The following KCNH8 variants were observed in gnomAD, a reference collection of about 807,000 sequenced individuals.
KCNH8 encodes potassium voltage-gated channel subfamily H member 8, also known as voltage-gated delayed rectifier potassium channel KCNH8.
In KCNH8, 70 loss-of-function variants were observed where a neutral mutation model predicts 103.6. The observed-to-expected ratio is 0.68, with a 90% CI of 0.56 to 0.82. KCNH8 has a LOEUF of 0.82. Ranked by LOEUF, KCNH8 falls within the 40% of genes least tolerant of loss-of-function variation. The pLI, the probability that KCNH8 is intolerant of heterozygous loss-of-function variation, is 0.00. For missense variants in KCNH8, 1,217 were observed against 1,329.9 expected (o/e 0.92, Z 1.32); for synonymous variants, 498 against 489.4 (o/e 1.02, Z -0.23).
chr3:19,482,172 AG>A (rs1437368224), intron 11 of KCNH8, among the ~76,000 whole-genome samples: 1 of 152,226 alleles, frequency 6.6e-6, no homozygotes. Flanking sequence ...AGAACAGGAC[AG>A]GGATTTCCAC....
At chr3:19,455,121 G>A (rs2067510999) in intron 10 of KCNH8, among the ~76,000 whole-genome samples, 2 of 152,052 alleles carry the variant, frequency 1.3e-5, no homozygotes. Context: ...ACTTGTTCTA[G>A]CAACTTTCTT....
At chr3:19,326,942 T>G (rs2065432096) in intron 3 of KCNH8, among the ~76,000 whole-genome samples, 1 of 152,198 alleles carries the variant, frequency 6.6e-6, no homozygotes, top group South Asian at 2.1e-4. Flanking sequence ...CTGAAGGACT[T>G]CATTGATATA....
intron 2 of KCNH8, among the ~76,000 whole-genome samples, chr3:19,258,939 CTCTCTCTCTA>C (rs1256778045): frequency 3.6e-3 from 269 of 74,006 alleles, no homozygotes; most frequent in Admixed American, 6.4e-3. Context: ...CTCTCTCTCT[CTCTCTCTCTA>C]TATATATATA....
chr3:19,377,567 G>A (rs2066227506), intron 5 of KCNH8, among the ~76,000 whole-genome samples: 1 of 152,178 alleles, frequency 6.6e-6, no homozygotes. Flanking sequence ...CAAGTATACA[G>A]AGGTGACCTC....
At chr3:19,363,010 TTAA>T (rs1301988634) in intron 5 of KCNH8, among the ~76,000 whole-genome samples, 2 of 152,162 alleles carry the variant, frequency 1.3e-5, no homozygotes, top group Non-Finnish European at 2.9e-5. Context: ...TGAAACATAC[TTAA>T]TAATCCAGCT....
intron 8 of KCNH8, among the ~76,000 whole-genome samples, chr3:19,449,271 C>T (rs956934546): frequency 4.9e-5 from 7 of 143,684 alleles, no homozygotes; most frequent in Non-Finnish European, 9.0e-5. Flanking sequence ...GGTTGACAAA[C>T]CTCATTGAAA....
At chr3:19,397,379 C>T (rs983359327) in intron 7 of KCNH8, among the ~76,000 whole-genome samples, 3 of 151,674 alleles carry the variant, frequency 2.0e-5, no homozygotes, top group African/African-American at 7.3e-5. Flanking sequence ...GTTTGGGCCT[C>T]AGTGTCCTCG....
intron 11 of KCNH8, among the ~76,000 whole-genome samples, chr3:19,478,877 G>A (rs1305981879): frequency 6.6e-6 from 1 of 152,038 alleles, no homozygotes; most frequent in African/African-American, 2.4e-5. Flanking sequence ...AAAATCCTGA[G>A]ACCACAAAAC....
intron 11 of KCNH8, among the ~76,000 whole-genome samples, chr3:19,509,224 GA>G (rs2068744274): frequency 6.6e-6 from 1 of 152,070 alleles, no homozygotes; most frequent in South Asian, 2.1e-4. Flanking sequence ...AAACACTGAT[GA>G]AACATATATT....
intron 11 of KCNH8, among the ~76,000 whole-genome samples, chr3:19,507,852 G>A (rs961452135): frequency 2.0e-5 from 3 of 152,202 alleles, no homozygotes; most frequent in Non-Finnish European, 2.9e-5. Flanking sequence ...ATGGCGGCTT[G>A]CCTCTGTGGG....
chr3:19,474,085 C>G (rs1021523279), intron 11 of KCNH8, among the ~76,000 whole-genome samples: 1 of 152,178 alleles, frequency 6.6e-6, no homozygotes, highest in Non-Finnish European at 1.5e-5. Flanking sequence ...TGTTGGCCCT[C>G]TAAATCCCAA....
intron 2 of KCNH8, among the ~76,000 whole-genome samples, chr3:19,265,086 G>A (rs1211697379): frequency 3.9e-5 from 6 of 152,052 alleles, no homozygotes; most frequent in Non-Finnish European, 8.8e-5. Flanking sequence ...ATCAAAGAAG[G>A]AGTAGCTCAA....
At chr3:19,455,255 T>C (rs778686853) in intron 10 of KCNH8, among the ~76,000 whole-genome samples, 5 of 152,116 alleles carry the variant, frequency 3.3e-5, no homozygotes, top group Non-Finnish European at 7.4e-5. Flanking sequence ...GTAATAGTGT[T>C]TCCCCCACCA....
intron 9 of KCNH8, 70 bp from the exon 10 acceptor site, chr3:19,451,085 T>G: frequency 6.8e-7 from 1 of 1,474,426 alleles, no homozygotes; most frequent in Non-Finnish European, 9.4e-7. Flanking sequence ...GCATCCCTGC[T>G]GTCTTGCAAA....
intron 10 of KCNH8, among the ~76,000 whole-genome samples, chr3:19,452,047 A>C (rs2067456258): frequency 6.6e-6 from 1 of 152,196 alleles, no homozygotes; most frequent in African/African-American, 2.4e-5. Context: ...TGCAGAGTTA[A>C]TGTATTGAAA....
At chr3:19,235,891 A>T (rs986362574) in intron 1 of KCNH8, among the ~76,000 whole-genome samples, 1 of 152,202 alleles carries the variant, frequency 6.6e-6, no homozygotes, top group Non-Finnish European at 1.5e-5. Flanking sequence ...CATAGATTTG[A>T]TTATCCTTAC....
intron 4 of KCNH8, among the ~76,000 whole-genome samples, chr3:19,344,538 G>T (rs75987649): frequency 6.6e-6 from 1 of 152,008 alleles, no homozygotes; most frequent in Non-Finnish European, 1.5e-5. Flanking sequence ...ACAGCCCAGT[G>T]ACTCTAATAC....
intron 1 of KCNH8, among the ~76,000 whole-genome samples, chr3:19,252,535 G>T (rs2064292193): frequency 1.3e-5 from 2 of 151,758 alleles, no homozygotes; most frequent in Non-Finnish European, 2.9e-5. Flanking sequence ...GATTACAGGG[G>T]CCCACCACCA....
chr3:19,498,129 G>C (rs1463659682), intron 11 of KCNH8, among the ~76,000 whole-genome samples: 2 of 152,110 alleles, frequency 1.3e-5, no homozygotes, highest in Non-Finnish European at 2.9e-5. Flanking sequence ...GCCTGTGATT[G>C]TCACTGCTTG....
Sources: allele counts gnomAD v4.1 joint callset (sites outside exome capture counted in the v4.1 genomes callset), GRCh38; gene constraint gnomAD v4.1.1; transcripts MANE v1.5; gene names NCBI Gene and HGNC (gene_info 2026-07-23, HGNC 2026-07-21).